The following TBC1D1 variants were observed in gnomAD, a reference collection of about 807,000 sequenced individuals.
TBC1D1 encodes TBC1 domain family member 1.
Under a neutral mutation model 125.6 loss-of-function variants are expected in TBC1D1, and 89 were observed. The ratio of observed to expected loss-of-function variants is 0.71; its 90% confidence interval spans 0.60 to 0.85. TBC1D1 has a LOEUF of 0.85. Among genes scored for constraint, TBC1D1 ranks in the 40% least tolerant of loss-of-function variants. The pLI, the probability that TBC1D1 is intolerant of heterozygous loss-of-function variation, is 0.00. For synonymous variants in TBC1D1, 565 were observed against 564.1 expected, an observed-to-expected ratio of 1.00 and a Z score of -0.02; for missense variants, 1,377 against 1,469.2, an observed-to-expected ratio of 0.94 and a Z score of 1.03.
At chr4:37,894,846 TGG>T (rs1714194197) in intron 1 of TBC1D1, among the ~76,000 whole-genome samples, 1 of 152,220 alleles carries the variant, frequency 6.6e-6, no homozygotes, top group South Asian at 2.1e-4. Flanking sequence ...TAAAGATCTA[TGG>T]GATCTTTGGA....
chr4:37,996,940 ACAGGGGTTTGGCT>A (rs1737931997), intron 2 of TBC1D1, among the ~76,000 whole-genome samples: 1 of 152,260 alleles, frequency 6.6e-6, no homozygotes, highest in Admixed American at 6.5e-5. Context: ...GAGGGGGAGA[ACAGGGGTTTGGCT>A]TTTTAAGATT....
At chr4:38,087,631 C>T (rs1235396157) in intron 12 of TBC1D1, among the ~76,000 whole-genome samples, 2 of 151,942 alleles carry the variant, frequency 1.3e-5, no homozygotes, top group African/African-American at 4.8e-5. Flanking sequence ...CACCTGAGGT[C>T]AGGAGTTCGA....
At chr4:38,004,269 G>A (rs1739639053) in intron 2 of TBC1D1, among the ~76,000 whole-genome samples, 1 of 152,146 alleles carries the variant, frequency 6.6e-6, no homozygotes, top group Non-Finnish European at 1.5e-5. Flanking sequence ...CAGATCCCTG[G>A]CTCCCTCCGG....
At chr4:37,957,965 G>C (rs1445771396) in intron 2 of TBC1D1, among the ~76,000 whole-genome samples, 1 of 152,130 alleles carries the variant, frequency 6.6e-6, no homozygotes, top group Non-Finnish European at 1.5e-5. Context: ...GCCACTTGTG[G>C]AAAGCTTCAC....
chr4:38,006,548 G>A (rs978713293), intron 2 of TBC1D1, among the ~76,000 whole-genome samples: 2 of 135,948 alleles, frequency 1.5e-5, no homozygotes, highest in South Asian at 2.2e-4. Flanking sequence ...GCACAATCTC[G>A]TCTCACTGCA....
At chr4:37,926,951 T>C (rs1177734902) in intron 2 of TBC1D1, among the ~76,000 whole-genome samples, 1 of 152,112 alleles carries the variant, frequency 6.6e-6, no homozygotes, top group African/African-American at 2.4e-5. Flanking sequence ...ACCCCATCTC[T>C]ACTAAAAATA....
intron 8 of TBC1D1, among the ~76,000 whole-genome samples, chr4:38,035,939 A>G (rs185943518): frequency 1.2e-4 from 19 of 152,340 alleles, no homozygotes; most frequent in African/African-American, 4.6e-4. Context: ...GGACTGGCTT[A>G]GAGCAGCAAG....
intron 2 of TBC1D1, among the ~76,000 whole-genome samples, chr4:37,935,652 G>A (rs765814175): frequency 2.0e-5 from 3 of 152,136 alleles, no homozygotes; most frequent in Non-Finnish European, 4.4e-5. Context: ...CGTCCAGAGC[G>A]ATCTTTCTAA....
intron 2 of TBC1D1, among the ~76,000 whole-genome samples, chr4:37,985,569 C>G (rs1346283771): frequency 6.6e-6 from 1 of 152,154 alleles, no homozygotes; most frequent in Non-Finnish European, 1.5e-5. Context: ...TTAATATATA[C>G]TTGTTTTGTA....
At chr4:37,911,300 G>A (rs920061121) in intron 2 of TBC1D1, among the ~76,000 whole-genome samples, 2 of 152,032 alleles carry the variant, frequency 1.3e-5, no homozygotes, top group African/African-American at 4.8e-5. Context: ...CTTGTTTCTC[G>A]CTTTTCTCTC....
Position 37,975,299 on chromosome 4 carries a change from T to C in TBC1D1, c.418-39210T>C, listed in dbSNP as rs538035122. ...CAACATTATTTCTGCTATCAGAGACTTTTAGTACTTTCACTAATTTGCTAC... is the reference window on the plus strand; with the variant it reads ...CAACATTATTTCTGCTATCAGAGACCTTTAGTACTTTCACTAATTTGCTAC... On this transcript the variant is annotated intron_variant, in intron 2 of 19. Transcript: ENST00000261439. Among the ~76,000 whole-genome samples the C allele has an allele frequency of 9.4e-4, 143 of 152,308 alleles. 1 individual carries two copies. Among genetic ancestry groups the C allele is most frequent in the Middle Eastern group, 3.4e-3 (1 of 294 alleles).
At chr4:38,025,184 C>T (rs183312457) in intron 6 of TBC1D1, among the ~76,000 whole-genome samples, 17 of 152,364 alleles carry the variant, frequency 1.1e-4, no homozygotes, top group Non-Finnish European at 2.1e-4. Context: ...GCCGTTTCTG[C>T]ACCGCCAGGG....
intron 1 of TBC1D1, among the ~76,000 whole-genome samples, chr4:37,900,696 A>G (rs1261479475): frequency 6.6e-6 from 1 of 152,196 alleles, no homozygotes; most frequent in Non-Finnish European, 1.5e-5. Flanking sequence ...TTGAGATCCC[A>G]CAGACAACTC....
chr4:38,067,226 A>G (rs1482044807), intron 12 of TBC1D1, among the ~76,000 whole-genome samples: 1 of 152,232 alleles, frequency 6.6e-6, no homozygotes, highest in Non-Finnish European at 1.5e-5. Context: ...ATGGTCTTAT[A>G]TAATTCTGAA....
At chr4:37,927,860 C>T (rs1283426138) in intron 2 of TBC1D1, among the ~76,000 whole-genome samples, 3 of 152,144 alleles carry the variant, frequency 2.0e-5, no homozygotes, top group South Asian at 2.1e-4. Context: ...TTAGTTGTGC[C>T]TGTGAATAGC....
intron 2 of TBC1D1, among the ~76,000 whole-genome samples, chr4:37,921,054 G>A (rs1720847234): frequency 6.9e-6 from 1 of 145,344 alleles, no homozygotes; most frequent in South Asian, 2.2e-4. Flanking sequence ...AGGTTGCAGC[G>A]AGCCGAGATC....
chr4:38,064,629 T>TC lies in TBC1D1; in HGVS notation c.2050+10291_2050+10292insC, dbSNP rs1357014271. ...GCATTCACACAGAGCTACATTTCTT[T>TC]TTTTTTTTTTTTTTGAGACAATCTT... On this transcript the variant is annotated intron_variant, in intron 12 of 19. Transcript: ENST00000261439. 2.7e-5 allele frequency among the ~76,000 whole-genome samples: 4 copies of TC among 149,790 alleles called. No individual in the cohort carries two copies. The South Asian group carries it at 6.3e-4, about 24-fold the overall frequency.
chr4:38,038,641 A>G (rs1359830747), intron 8 of TBC1D1, among the ~76,000 whole-genome samples: 1 of 152,172 alleles, frequency 6.6e-6, no homozygotes, highest in Non-Finnish European at 1.5e-5. Context: ...TCAAACCCCT[A>G]TCAAGATATA....
At chr4:38,010,597 TC>T (rs1368967967) in intron 2 of TBC1D1, among the ~76,000 whole-genome samples, 1 of 152,162 alleles carries the variant, frequency 6.6e-6, no homozygotes, top group African/African-American at 2.4e-5. Context: ...CACTCTGCAC[TC>T]CCTCTGTGAA....
Sources: gnomAD v4.1 joint callset for allele counts (sites outside exome capture counted in the v4.1 genomes callset) on GRCh38, gnomAD v4.1.1 for gene constraint, MANE v1.5 for transcripts, NCBI Gene and HGNC (gene_info 2026-07-23, HGNC 2026-07-21) for gene names.